Variants in GRIN2B observed in about 807,000 individuals in gnomAD.
The protein encoded by GRIN2B is glutamate ionotropic receptor NMDA type subunit 2B.
Under a neutral mutation model 114.5 loss-of-function variants are expected in GRIN2B, and 5 were observed. The ratio of observed to expected loss-of-function variants is 0.04; its 90% CI spans 0.02 to 0.09. The LOEUF is 0.09. Among genes scored for constraint, GRIN2B ranks in the 10% least tolerant of loss-of-function variants. The pLI, the probability that GRIN2B is intolerant of heterozygous loss-of-function variation, is 1.00. For missense variants in GRIN2B, 1,108 were observed against 1,943.5 expected (o/e 0.57, Z 8.08); for synonymous variants, 787 against 745.1 (o/e 1.06, Z -0.92).
intron 2 of GRIN2B, among the ~76,000 whole-genome samples, chr12:13,919,141 T>C (rs1326757047): frequency 6.6e-6 from 1 of 152,204 alleles, no homozygotes; most frequent in Non-Finnish European, 1.5e-5. Context: ...ATAGTTAGCG[T>C]GCATATAACC....
chr12:13,842,301 A>G (rs986811224), intron 3 of GRIN2B, among the ~76,000 whole-genome samples: 2 of 152,222 alleles, frequency 1.3e-5, no homozygotes, highest in African/African-American at 4.8e-5. Context: ...ACCACCTACC[A>G]GGTGTCAACA....
At chr12:13,727,186 TAAGG>T (rs1283892275) in intron 4 of GRIN2B, among the ~76,000 whole-genome samples, 2 of 152,228 alleles carry the variant, frequency 1.3e-5, no homozygotes, top group South Asian at 4.2e-4. Context: ...ATTTTATAAA[TAAGG>T]AGAGTAAGAC....
intron 3 of GRIN2B, among the ~76,000 whole-genome samples, chr12:13,771,189 G>A (rs1863901893): frequency 6.6e-6 from 1 of 152,090 alleles, no homozygotes; most frequent in Non-Finnish European, 1.5e-5. Flanking sequence ...CCCTACATAA[G>A]TCATCTCGTC....
intron 10 of GRIN2B, among the ~76,000 whole-genome samples, chr12:13,596,042 G>T (rs1184351944): frequency 6.6e-6 from 1 of 151,158 alleles, no homozygotes; most frequent in Admixed American, 6.6e-5. Flanking sequence ...AAAAAAAAAA[G>T]GCTCACTTCC....
chr12:13,757,484 G>A (rs955300563), intron 3 of GRIN2B, among the ~76,000 whole-genome samples: 7 of 152,172 alleles, frequency 4.6e-5, no homozygotes, highest in East Asian at 1.9e-4. Flanking sequence ...TGTGATTACC[G>A]CAAGTTATCG....
chr12:13,701,266 G>A (rs148112403), intron 4 of GRIN2B, among the ~76,000 whole-genome samples: 1 of 152,090 alleles, frequency 6.6e-6, no homozygotes, highest in East Asian at 1.9e-4. Flanking sequence ...ATTTGGGTGG[G>A]GACACAAAGC....
In GRIN2B at chr12:13,540,774, G is replaced by T. The variant is rs1312587109; in HGVS notation, c.*22009C>A. ...AAAAAAAGAACTTGGAGGTGGATGGGCTGGGGATCTGAGAGTCAAGAGGAA... is the reference window on the plus strand; with the variant it reads ...AAAAAAAGAACTTGGAGGTGGATGGTCTGGGGATCTGAGAGTCAAGAGGAA... On this transcript the variant is annotated 3_prime_UTR_variant, in exon 14 of 14. Coordinates refer to ENST00000609686, the MANE Select transcript of GRIN2B (RefSeq NM_000834.5). The T allele has an allele frequency of 6.6e-6, 1 of 152,234 alleles. No homozygotes were observed. The highest frequency in any genetic ancestry group is 2.4e-5 in the African/African-American group (1 of 41,422). 9.4% of individuals were successfully genotyped at this position (152,234 alleles called of 1,614,324 possible).
intron 3 of GRIN2B, among the ~76,000 whole-genome samples, chr12:13,785,007 A>G (rs1864198766): frequency 6.6e-6 from 1 of 152,216 alleles, no homozygotes; most frequent in Non-Finnish European, 1.5e-5. Context: ...AAACTAACAC[A>G]CCCCACAAAA....
chr12:13,605,536 C>CTA (rs1949230719), intron 10 of GRIN2B, among the ~76,000 whole-genome samples: 1 of 65,722 alleles, frequency 1.5e-5, no homozygotes, highest in Non-Finnish European at 3.1e-5. Context: ...CTCTCTCTCT[C>CTA]TCTCTCTCTC....
intron 3 of GRIN2B, among the ~76,000 whole-genome samples, chr12:13,827,653 A>T (rs57537529): frequency 0.039 from 5,253 of 136,290 alleles, 112 homozygotes; most frequent in Middle Eastern, 0.082. Flanking sequence ...GTCTTCCTTT[A>T]TATCTCTGAA....
rs960081968 is a variant in GRIN2B at position 13,552,739 on chromosome 12, A to G, written c.*10044T>C. On this transcript the variant is annotated 3_prime_UTR_variant, in exon 14 of 14. Transcript: ENST00000609686. ...TATTCTCATTTTCAGGAGCAAGGCTATCTAGACCCCATAGGACTTTTGAAA... is the reference window on the plus strand; with the variant it reads ...TATTCTCATTTTCAGGAGCAAGGCTGTCTAGACCCCATAGGACTTTTGAAA... The G allele has an allele frequency of 6.6e-6, 1 of 152,144 alleles. No individual in the cohort carries two copies. The highest frequency in any genetic ancestry group is 1.5e-5 in the Non-Finnish European group (1 of 68,020). 9.4% of individuals were successfully genotyped at this position (152,144 alleles called of 1,614,324 possible). A position where few individuals can be genotyped will look rare whatever the true frequency, so the allele number is the denominator to read the frequency against.
At chr12:13,818,543 G>A (rs1042095019) in intron 3 of GRIN2B, among the ~76,000 whole-genome samples, 3 of 152,210 alleles carry the variant, frequency 2.0e-5, no homozygotes, top group Non-Finnish European at 4.4e-5. Context: ...CTTAGAGATT[G>A]AGAAGCCAAA....
chr12:13,780,693 A>G (rs1864094253), intron 3 of GRIN2B, among the ~76,000 whole-genome samples: 1 of 152,190 alleles, frequency 6.6e-6, no homozygotes, highest in Non-Finnish European at 1.5e-5. Flanking sequence ...AGAATTTACA[A>G]AGATGAAAGT....
intron 10 of GRIN2B, among the ~76,000 whole-genome samples, chr12:13,600,136 A>G (rs1363579113): frequency 6.6e-6 from 1 of 152,130 alleles, no homozygotes; most frequent in East Asian, 1.9e-4. Flanking sequence ...GCATAGGGAT[A>G]CCTTTCTAAG....
chr12:13,677,530 T>A (rs1257345720), intron 4 of GRIN2B, among the ~76,000 whole-genome samples: 2 of 151,984 alleles, frequency 1.3e-5, no homozygotes, highest in African/African-American at 4.8e-5. Flanking sequence ...CCCAAAGGAG[T>A]AGCGATTCCT....
rs1948481238 is a variant in GRIN2B, at chr12:13,556,541, A to C, written c.*6242T>G. On this transcript the variant is annotated 3_prime_UTR_variant, in exon 14 of 14. Coordinates refer to ENST00000609686, the MANE Select transcript of GRIN2B (RefSeq NM_000834.5). The stretch of plus-strand genomic sequence containing the variant: ...TACTAGAATCTGCTCCACCTCCTAA[A>C]TCACAACATTAAAATAATTACCGAT... 6.6e-6 allele frequency: 1 copy of C among 152,142 alleles called. No homozygotes were observed. The highest frequency in any genetic ancestry group is 2.1e-4 in the South Asian group (1 of 4,820). 9.4% of individuals were successfully genotyped at this position (152,142 alleles called of 1,614,324 possible).
intron 4 of GRIN2B, among the ~76,000 whole-genome samples, chr12:13,682,394 C>T (rs555794105): frequency 7.2e-5 from 11 of 152,254 alleles, no homozygotes; most frequent in Admixed American, 6.5e-5. Flanking sequence ...TCAGGAATAA[C>T]TAATTTAAAG....
In GRIN2B at chr12:13,729,867, C is replaced by A. The variant is rs1014517053; in HGVS notation, c.1010+23450G>T. On this transcript the variant is annotated intron_variant, in intron 4 of 13. Coordinates refer to ENST00000609686, the MANE Select transcript of GRIN2B (RefSeq NM_000834.5). ...GGTGAGGAGGAGAGAACATGGCATGCAGTGGGAACACTGTTGGAAACATAA... is the reference window on the plus strand; with the variant it reads ...GGTGAGGAGGAGAGAACATGGCATGAAGTGGGAACACTGTTGGAAACATAA... Among the ~76,000 whole-genome samples the A allele has an allele frequency of 3.3e-4, 50 of 151,852 alleles. 1 individual carries two copies. The highest frequency in any genetic ancestry group is 1.1e-3 in the African/African-American group (44 of 41,410).
chr12:13,910,969 G>C (rs992446976), intron 2 of GRIN2B, among the ~76,000 whole-genome samples: 1 of 151,680 alleles, frequency 6.6e-6, no homozygotes, highest in African/African-American at 2.4e-5. Context: ...TCCTTGTCTA[G>C]CCATCAAACT....
Sources: allele counts gnomAD v4.1 joint callset (sites outside exome capture counted in the v4.1 genomes callset), GRCh38; gene constraint gnomAD v4.1.1; transcripts MANE v1.5; gene names NCBI Gene and HGNC (gene_info 2026-07-23, HGNC 2026-07-21).